ZNF385B: variants seen among roughly 807,000 people sequenced by gnomAD.
The protein encoded by ZNF385B is zinc finger protein 385B.
Under a neutral mutation model 39.2 loss-of-function variants are expected in ZNF385B, and 23 were observed. That is an observed-to-expected ratio of 0.59 (90% CI 0.42 to 0.83). The LOEUF (loss-of-function observed/expected upper bound fraction) is 0.83. Among genes scored for constraint, ZNF385B ranks in the 40% least tolerant of loss-of-function variants. The pLI, the probability that ZNF385B is intolerant of heterozygous loss-of-function variation, is 0.00. For synonymous variants in ZNF385B, 205 were observed against 222.6 expected (o/e 0.92, Z 0.70); for missense variants, 552 against 598.9 (o/e 0.92, Z 0.82).
chr2:179,860,735 G>A (rs1342989109), intron 1 of ZNF385B: 8 of 428,688 alleles, frequency 1.9e-5, no homozygotes, highest in South Asian at 3.4e-5. Flanking sequence ...CCCAGGTGAC[G>A]AGGCGCTGCG....
intron 6 of ZNF385B, among the ~76,000 whole-genome samples, chr2:179,460,306 T>C (rs890091404): frequency 7.2e-5 from 11 of 152,148 alleles, no homozygotes; most frequent in African/African-American, 2.4e-4. Flanking sequence ...ACAGGCTGGC[T>C]GTCCTCACTC....
chr2:179,811,426 C>G (rs530574842), intron 1 of ZNF385B, among the ~76,000 whole-genome samples: 4 of 152,056 alleles, frequency 2.6e-5, no homozygotes, highest in Admixed American at 6.5e-5. Flanking sequence ...GCTGTAATAA[C>G]CAAAACAGTG....
chr2:179,552,756 G>A (rs1184714574), intron 3 of ZNF385B, among the ~76,000 whole-genome samples: 1 of 149,048 alleles, frequency 6.7e-6, no homozygotes, highest in Non-Finnish European at 1.5e-5. Flanking sequence ...ATATGAATAG[G>A]GGAGGTGACT....
intron 3 of ZNF385B, among the ~76,000 whole-genome samples, chr2:179,624,149 C>T (rs1690458712): frequency 6.6e-6 from 1 of 152,144 alleles, no homozygotes; most frequent in Admixed American, 6.6e-5. Flanking sequence ...TAACATTTAT[C>T]AGGTCTTTCC....
intron 3 of ZNF385B, among the ~76,000 whole-genome samples, chr2:179,693,208 T>C (rs1420056873): frequency 1.3e-5 from 2 of 152,206 alleles, no homozygotes; most frequent in African/African-American, 4.8e-5. Context: ...TTCTACCAAC[T>C]GTCAGGATAA....
In ZNF385B at chr2:179,658,788, T is replaced by G. The variant is rs1694102464; in HGVS notation, c.298+110715A>C. On this transcript the variant is annotated intron_variant, in intron 3 of 9. Coordinates refer to ENST00000410066, the MANE Select transcript of ZNF385B (RefSeq NM_152520.6). ...ATTCCTTAAAATAGTTACATTCTTA[T>G]TTTTTTTTGAGATGGGGTTTCACTC... Among the ~76,000 whole-genome samples, 3 of 151,540 alleles carry G rather than the reference T, an allele frequency of 2.0e-5. No homozygotes were observed. The South Asian group carries it at 6.2e-4, about 32-fold the overall frequency.
intron 1 of ZNF385B, among the ~76,000 whole-genome samples, chr2:179,834,904 G>A (rs1413622121): frequency 6.6e-6 from 1 of 152,122 alleles, no homozygotes; most frequent in African/African-American, 2.4e-5. Context: ...AATCTACTCA[G>A]GAGGAAACTT....
At chr2:179,678,771 T>C (rs1361362124) in intron 3 of ZNF385B, among the ~76,000 whole-genome samples, 1 of 152,188 alleles carries the variant, frequency 6.6e-6, no homozygotes, top group African/African-American at 2.4e-5. Flanking sequence ...CTCTCTGTTA[T>C]TTTAAGTTTT....
rs79638723 is a variant in ZNF385B at position 179,491,213 on chromosome 2, C to T, written c.553-7779G>A. 9.3e-3 allele frequency among the ~76,000 whole-genome samples: 1,409 copies of T among 152,152 alleles called. 19 individuals are homozygous for T. The highest frequency in any genetic ancestry group is 0.032 in the African/African-American group (1,319 of 41,500). ...CATCACAATTTATTTAAGAATTCAT[C>T]AAGAAGTATCTTGCTTAAGAAAGCA... On this transcript the variant is annotated intron_variant, in intron 5 of 9. Transcript: ENST00000410066.
At chr2:179,617,858 G>A (rs953313887) in intron 3 of ZNF385B, among the ~76,000 whole-genome samples, 4 of 152,144 alleles carry the variant, frequency 2.6e-5, no homozygotes, top group Non-Finnish European at 4.4e-5. Flanking sequence ...CCCTTCTAGA[G>A]AGAACTACTC....
At chr2:179,501,539 G>A (rs567511018) in intron 5 of ZNF385B, among the ~76,000 whole-genome samples, 1 of 152,182 alleles carries the variant, frequency 6.6e-6, no homozygotes, top group South Asian at 2.1e-4. Flanking sequence ...AACAATTAAA[G>A]TCATGGACAC....
chr2:179,671,282 A>T (rs1180595642), intron 3 of ZNF385B, among the ~76,000 whole-genome samples: 1 of 152,142 alleles, frequency 6.6e-6, no homozygotes, highest in Non-Finnish European at 1.5e-5. Flanking sequence ...CTCAGCTCAA[A>T]AATATTCTCT....
intron 1 of ZNF385B, among the ~76,000 whole-genome samples, chr2:179,832,480 G>A (rs1708037727): frequency 1.3e-5 from 2 of 152,178 alleles, no homozygotes; most frequent in Admixed American, 1.3e-4. Context: ...ATAAAAGCAA[G>A]TTTTGTGGAA....
At chr2:179,641,635 A>G (rs554126890) in intron 3 of ZNF385B, among the ~76,000 whole-genome samples, 97 of 152,234 alleles carry the variant, frequency 6.4e-4, no homozygotes, top group Admixed American at 2.6e-3. Flanking sequence ...TTGAACCTCT[A>G]TGGTTCCTAA....
intron 3 of ZNF385B, among the ~76,000 whole-genome samples, chr2:179,578,673 C>A (rs192820902): frequency 1.3e-3 from 191 of 152,160 alleles, no homozygotes; most frequent in African/African-American, 3.5e-3. Flanking sequence ...TCCATCCATA[C>A]CTAGTGGGAA....
intron 1 of ZNF385B, among the ~76,000 whole-genome samples, chr2:179,786,610 T>A (rs1035050409): frequency 1.3e-5 from 2 of 151,846 alleles, no homozygotes. Context: ...CCAAATACCT[T>A]CAGATGTAAG....
chr2:179,583,647 T>C (rs1210289030), intron 3 of ZNF385B, among the ~76,000 whole-genome samples: 1 of 152,188 alleles, frequency 6.6e-6, no homozygotes, highest in African/African-American at 2.4e-5. Flanking sequence ...CTCAGACCTA[T>C]TAGTGGTTAC....
At chr2:179,586,338 A>T (rs925914661) in intron 3 of ZNF385B, among the ~76,000 whole-genome samples, 5 of 152,206 alleles carry the variant, frequency 3.3e-5, no homozygotes, top group Non-Finnish European at 7.3e-5. Context: ...TTTCTATTAA[A>T]CTGTCACTTC....
chr2:179,624,026 C>T (rs1391167162), intron 3 of ZNF385B, among the ~76,000 whole-genome samples: 3 of 152,114 alleles, frequency 2.0e-5, no homozygotes, highest in Admixed American at 1.3e-4. Context: ...CTCAAGATCA[C>T]CTCTCCTTAG....
Sources: gnomAD v4.1 joint callset for allele counts (sites outside exome capture counted in the v4.1 genomes callset) on GRCh38, gnomAD v4.1.1 for gene constraint, MANE v1.5 for transcripts, NCBI Gene and HGNC (gene_info 2026-07-23, HGNC 2026-07-21) for gene names.